Variants in NPR3 observed in about 807,000 individuals in gnomAD.
The protein encoded by NPR3 is atrial natriuretic peptide receptor 3.
NPR3 carries 34 observed loss-of-function variants against 54.5 expected under a neutral mutation model. That is an observed-to-expected ratio of 0.62 (90% CI 0.47 to 0.83). The LOEUF (loss-of-function observed/expected upper bound fraction) is 0.83, where lower values mean the gene tolerates loss of function less well. Among genes scored for constraint, NPR3 ranks in the 40% least tolerant of loss-of-function variants. The pLI is 0.00. For synonymous variants in NPR3, 289 were observed against 297.1 expected, an observed-to-expected ratio of 0.97 and a Z score of 0.28; for missense variants, 674 against 720.8, an observed-to-expected ratio of 0.94 and a Z score of 0.74.
intron 3 of NPR3, among the ~76,000 whole-genome samples, chr5:32,772,996 G>A (rs935154598): frequency 1.3e-5 from 2 of 152,086 alleles, no homozygotes; most frequent in East Asian, 3.9e-4. Context: ...TCCTAGCTAG[G>A]GGTGGGATAA....
intron 2 of NPR3, among the ~76,000 whole-genome samples, chr5:32,729,602 T>C (rs1341563510): frequency 6.6e-6 from 1 of 152,194 alleles, no homozygotes; most frequent in African/African-American, 2.4e-5. Context: ...GATAGCTTAC[T>C]ACACACCTAT....
intron 2 of NPR3, 51 bp downstream of exon 2, chr5:32,724,871 G>A (rs906407626): frequency 1.9e-6 from 3 of 1,605,326 alleles, no homozygotes; most frequent in African/African-American, 2.7e-5. Flanking sequence ...AAGAGAGGTT[G>A]TCAGATGCCC....
At chr5:32,740,630 G>A (rs817902) in intron 3 of NPR3, among the ~76,000 whole-genome samples, 60,732 of 151,344 alleles carry the variant, frequency 0.4, 13,401 homozygotes, top group African/African-American at 0.59. Context: ...CCCAGGTGAA[G>A]TTAATTTTAA....
chr5:32,779,340 C>T (rs969681956), intron 4 of NPR3, among the ~76,000 whole-genome samples: 9 of 152,180 alleles, frequency 5.9e-5, no homozygotes, highest in Admixed American at 5.2e-4. Context: ...GGCTGATGTA[C>T]GCATTCTCTT....
intron 1 of NPR3, chr5:32,713,154 C>T: frequency 1.0e-6 from 1 of 985,184 alleles, no homozygotes; most frequent in Non-Finnish European, 1.2e-6. Context: ...TGGTTTCCAC[C>T]AAAAATGCCC....
intron 3 of NPR3, among the ~76,000 whole-genome samples, chr5:32,771,034 G>A (rs1333467995): frequency 6.6e-6 from 1 of 152,016 alleles, no homozygotes; most frequent in Non-Finnish European, 1.5e-5. Flanking sequence ...GTGTTCTTAA[G>A]CTAACTTCAT....
At position 32,711,882 on chromosome 5, in the gene NPR3, G is replaced by T. The variant is rs781759315; in HGVS notation, c.106G>T (p.Ala36Ser). 6.8e-7 allele frequency: 1 copy of T among 1,463,698 alleles called. No individual in the cohort carries two copies. Among genetic ancestry groups the T allele is most frequent in the Non-Finnish European group, 9.0e-7 (1 of 1,110,300 alleles). 90.7% of individuals were successfully genotyped at this position (1,463,698 alleles called of 1,614,324 possible). The change falls in exon 1 of 8, where the codon GCG (alanine) becomes TCG (serine). Residue 36 changes from alanine (A) to serine (S), a missense_variant. Physicochemically the swap from Ala to Ser is moderately conservative, Grantham distance 99. Transcript: ENST00000265074. ...TGGCGTTGGCGGCGGCGGCGGTGGC[G>T]CGGGCATAGGCGGCGGACGCCAGGA... ...GGGVGGGGGGAGIGGGRQERE... is the reference protein window; with the variant it reads ...GGGVGGGGGGSGIGGGRQERE...
At chr5:32,745,887 T>A (rs889694880) in intron 3 of NPR3, among the ~76,000 whole-genome samples, 17 of 152,180 alleles carry the variant, frequency 1.1e-4, no homozygotes, top group Non-Finnish European at 1.2e-4. Context: ...GAAATATGAA[T>A]GTGAGTCTGA....
At chr5:32,724,957 A>G in intron 2 of NPR3, 137 bp downstream of exon 2, 1 of 970,358 alleles carries the variant, frequency 1.0e-6, no homozygotes. Context: ...AAAACAATGG[A>G]ATCATGTCTT....
intron 3 of NPR3, among the ~76,000 whole-genome samples, chr5:32,756,854 A>C (rs191967061): frequency 0.017 from 2,557 of 152,306 alleles, 77 homozygotes; most frequent in African/African-American, 0.059. Context: ...CATTTATTAA[A>C]TAGGGAATCC....
At chr5:32,728,837 GTATATATATATATATATA>G (rs70961659) in intron 2 of NPR3, among the ~76,000 whole-genome samples, 7 of 48,012 alleles carry the variant, frequency 1.5e-4, no homozygotes, top group East Asian at 1.1e-3. Flanking sequence ...GTGTGTGTGT[GTATATATATATATATATA>G]TATATATATA....
chr5:32,718,655 T>C (rs1253441587), intron 1 of NPR3, among the ~76,000 whole-genome samples: 1 of 152,218 alleles, frequency 6.6e-6, no homozygotes, highest in Non-Finnish European at 1.5e-5. Flanking sequence ...TGTTTGTCTG[T>C]TAATGTTGTA....
Position 32,739,036 on chromosome 5 carries a change from T to G in NPR3, c.1059+6T>G, listed in dbSNP as rs967092339. ...GGCTCAATATGGAGGATTACGTAAG[T>G]GCCTGATTATGAGCCTAGACCTTTA... is the stretch of plus-strand genomic sequence containing the variant. On this transcript the variant is annotated splice_donor_region_variant and intron_variant, in intron 3 of 7. Transcript: ENST00000265074. 6.2e-7 allele frequency: 1 copy of G among 1,613,236 alleles called. No individual in the cohort carries two copies. Among genetic ancestry groups the G allele is most frequent in the Non-Finnish European group, 8.5e-7 (1 of 1,179,506 alleles).
intron 3 of NPR3, among the ~76,000 whole-genome samples, chr5:32,765,513 A>T (rs893295282): frequency 6.6e-6 from 1 of 152,188 alleles, no homozygotes; most frequent in Non-Finnish European, 1.5e-5. Flanking sequence ...CATTAACTCC[A>T]GTGAGTGCAG....
intron 1 of NPR3, among the ~76,000 whole-genome samples, chr5:32,703,137 C>T (rs1737874135): frequency 6.6e-6 from 1 of 152,122 alleles, no homozygotes; most frequent in Non-Finnish European, 1.5e-5. Flanking sequence ...TACTTCCTGG[C>T]TACTGCTGAT....
chr5:32,756,060 CAT>C (rs1407551928), intron 3 of NPR3, among the ~76,000 whole-genome samples: 1 of 152,316 alleles, frequency 6.6e-6, no homozygotes, highest in East Asian at 1.9e-4. Context: ...CTGCAATAAA[CAT>C]ATGTGTGCAT....
At chr5:32,734,680 C>T (rs1205819235) in intron 2 of NPR3, among the ~76,000 whole-genome samples, 1 of 152,246 alleles carries the variant, frequency 6.6e-6, no homozygotes, top group Non-Finnish European at 1.5e-5. Flanking sequence ...ATGGAACTTT[C>T]TGCAATGATG....
rs564832133 is a variant in NPR3 at position 32,742,725 on chromosome 5, C to A, written c.1059+3695C>A. ...TGTTTGCTGTGGGGTTCGGGGGACA[C>A]TCTTTATTAGACTGTGGCAGTTCCC... On this transcript the variant is annotated intron_variant, in intron 3 of 7. Coordinates refer to ENST00000265074, the MANE Select transcript of NPR3 (RefSeq NM_001204375.2). Among the ~76,000 whole-genome samples the A allele has an allele frequency of 2.0e-3, 309 of 152,208 alleles. 1 individual carries two copies. The highest frequency in any genetic ancestry group is 7.0e-3 in the African/African-American group (292 of 41,546).
rs188390978 is a variant in NPR3, at chr5:32,757,679, A to G, written c.1060-17029A>G. ...AGAGAGGGCATCCCTGTCTTGTGCTAGTTTTGAAAGGGAATGCTTCCAGTT... is the reference window on the plus strand; with the variant it reads ...AGAGAGGGCATCCCTGTCTTGTGCTGGTTTTGAAAGGGAATGCTTCCAGTT... On this transcript the variant is annotated intron_variant, in intron 3 of 7. Coordinates refer to ENST00000265074, the MANE Select transcript of NPR3 (RefSeq NM_001204375.2). Among the ~76,000 whole-genome samples, 10 of 152,244 alleles carry G rather than the reference A, an allele frequency of 6.6e-5. No individual in the cohort carries two copies. The East Asian group carries it at 1.9e-3, about 29-fold the overall frequency.
Sources: gnomAD v4.1 joint callset for allele counts (sites outside exome capture counted in the v4.1 genomes callset) on GRCh38, gnomAD v4.1.1 for gene constraint, MANE v1.5 for transcripts, NCBI Gene and HGNC (gene_info 2026-07-23, HGNC 2026-07-21) for gene names.